Variants in PDE4D observed in about 807,000 individuals in gnomAD.
PDE4D encodes the protein phosphodiesterase 4D.
A neutral mutation model predicts 87.4 loss-of-function variants in PDE4D; 24 were observed. The observed-to-expected ratio is 0.27, with a 90% confidence interval of 0.20 to 0.39. The LOEUF is 0.39. Among genes scored for constraint, PDE4D ranks in the 10% least tolerant of loss-of-function variants. The pLI is 1.00. For synonymous variants in PDE4D, 384 were observed against 383.2 expected, an observed-to-expected ratio of 1.00 and a Z score of -0.02; for missense variants, 714 against 1,041.0, an observed-to-expected ratio of 0.69 and a Z score of 4.32.
rs372705720 is a variant in PDE4D at position 60,420,978 on chromosome 5, G to T, written c.-90+66964C>A. The stretch of plus-strand genomic sequence containing the variant: ...GACCTGCGAGGCAGCAGCCTGGTGG[G>T]GGGAGGGGTGTTCACCATTGCTGAG... On this transcript the variant is annotated intron_variant, in intron 1 of 16. Coordinates refer to the PDE4D transcript ENST00000502484. 5.9e-4 allele frequency among the ~76,000 whole-genome samples: 90 copies of T among 152,330 alleles called. 2 individuals carry two copies. In the South Asian group the frequency reaches 0.018, roughly 31 times the overall value.
In PDE4D at chr5:60,361,341, AG is replaced by A. The variant is rs533758381; in HGVS notation, c.-90+126600del. On this transcript the variant is annotated intron_variant, in intron 1 of 16. Coordinates refer to the PDE4D transcript ENST00000502484. ...ATAATTGATTAGTAAATCAATAATT[AG>A]TTACTTGATGTAGCTGTGAAAATTA... 1.4e-4 allele frequency among the ~76,000 whole-genome samples: 21 copies of A among 152,344 alleles called. No homozygotes were observed. The South Asian group carries it at 4.1e-3, about 30-fold the overall frequency.
intron 1 of PDE4D, among the ~76,000 whole-genome samples, chr5:59,403,537 TTAAA>T (rs993981182): frequency 2.6e-5 from 4 of 152,144 alleles, no homozygotes; most frequent in African/African-American, 4.8e-5. Context: ...TCCAGCTCCC[TTAAA>T]TAGTGAGAAT....
At chr5:59,159,810 G>A (rs535529914) in intron 5 of PDE4D, among the ~76,000 whole-genome samples, 3 of 152,158 alleles carry the variant, frequency 2.0e-5, no homozygotes, top group African/African-American at 7.2e-5. Flanking sequence ...GTTTGCCAAG[G>A]AAAAAGCAGC....
chr5:60,257,499 GTGTC>G (rs1448753376), intron 1 of PDE4D, among the ~76,000 whole-genome samples: 1 of 151,944 alleles, frequency 6.6e-6, no homozygotes, highest in Non-Finnish European at 1.5e-5. Flanking sequence ...AGTTTGTAAA[GTGTC>G]TGTCCTGTTT....
At chr5:59,613,689 T>C (rs1579848487) in intron 1 of PDE4D, among the ~76,000 whole-genome samples, 2 of 152,280 alleles carry the variant, frequency 1.3e-5, no homozygotes, top group African/African-American at 4.8e-5. Context: ...TCAGCATCAG[T>C]GTAGAGACAC....
chr5:59,364,425 A>G lies in PDE4D; in HGVS notation c.456-148457T>C, dbSNP rs1040371618. Among the ~76,000 whole-genome samples the G allele has an allele frequency of 2.0e-5, 3 of 152,206 alleles. No individual in the cohort carries two copies. The South Asian group carries it at 6.2e-4, about 31-fold the overall frequency. ...TACTACCTTAAAAATGTAGAAGTAAATTTGAGAACACACAATTGTTATTTC... is the reference window on the plus strand; with the variant it reads ...TACTACCTTAAAAATGTAGAAGTAAGTTTGAGAACACACAATTGTTATTTC... On this transcript the variant is annotated intron_variant, in intron 1 of 14. Transcript: ENST00000340635.
At chr5:59,039,504 G>A (rs1486677004) in intron 5 of PDE4D, 6 of 985,594 alleles carry the variant, frequency 6.1e-6, no homozygotes, top group African/African-American at 1.7e-5. Flanking sequence ...CCGGGTGCGC[G>A]GCCACCACGT....
chr5:60,084,367 A>C (rs914188766), intron 2 of PDE4D, among the ~76,000 whole-genome samples: 2 of 151,968 alleles, frequency 1.3e-5, no homozygotes, highest in Non-Finnish European at 2.9e-5. Context: ...ACATTTTATG[A>C]CAGTGATTCT....
chr5:59,124,449 G>C (rs1380063348), intron 5 of PDE4D, among the ~76,000 whole-genome samples: 1 of 152,222 alleles, frequency 6.6e-6, no homozygotes, highest in Non-Finnish European at 1.5e-5. Flanking sequence ...ACTCTAAGCT[G>C]CTTTCACTTC....
intron 1 of PDE4D, among the ~76,000 whole-genome samples, chr5:60,496,740 G>A (rs1380334114): frequency 6.6e-6 from 1 of 152,266 alleles, no homozygotes; most frequent in Non-Finnish European, 1.5e-5. Context: ...TTTCCCTAAG[G>A]ACATAGAGTT....
At chr5:59,792,660 C>A (rs1765946501) in intron 1 of PDE4D, among the ~76,000 whole-genome samples, 1 of 152,104 alleles carries the variant, frequency 6.6e-6, no homozygotes, top group Admixed American at 6.5e-5. Context: ...ACATTTTCCA[C>A]TACAAAATAA....
chr5:60,496,940 C>A (rs1340712046), intron 1 of PDE4D, among the ~76,000 whole-genome samples: 1 of 152,106 alleles, frequency 6.6e-6, no homozygotes, highest in Non-Finnish European at 1.5e-5. Context: ...AAGCTTTACA[C>A]CATCATTTTA....
chr5:59,258,188 TG>T (rs771742774), intron 1 of PDE4D, among the ~76,000 whole-genome samples: 13 of 152,008 alleles, frequency 8.6e-5, no homozygotes, highest in Admixed American at 2.6e-4. Context: ...TTTGTTTGAC[TG>T]GTTCTTTCAG....
At chr5:60,105,092 G>C (rs944552918) in intron 2 of PDE4D, among the ~76,000 whole-genome samples, 10 of 152,142 alleles carry the variant, frequency 6.6e-5, no homozygotes, top group African/African-American at 2.4e-4. Flanking sequence ...CAAACCAAAG[G>C]CAAAGAAGTT....
Position 59,180,585 on chromosome 5 carries a change from T to A in PDE4D, c.808+10A>T. On this transcript the variant is annotated intron_variant, in intron 5 of 14. Coordinates refer to ENST00000340635, the MANE Select transcript of PDE4D (RefSeq NM_001104631.2). ...AGACACATGAAGAATAAGCTCCAGA[T>A]CTTTCTTACCTGTTATGGTGGCTTT... The A allele has an allele frequency of 6.2e-7, 1 of 1,611,884 alleles. No individual in the cohort carries two copies.
At chr5:59,692,034 A>G (rs1751036532) in intron 1 of PDE4D, among the ~76,000 whole-genome samples, 1 of 152,134 alleles carries the variant, frequency 6.6e-6, no homozygotes, top group East Asian at 1.9e-4. Flanking sequence ...GTTAAAATAT[A>G]TGATAGGAAG....
chr5:59,790,906 T>C (rs1160380006), intron 1 of PDE4D, among the ~76,000 whole-genome samples: 2 of 152,252 alleles, frequency 1.3e-5, no homozygotes, highest in Admixed American at 6.5e-5. Context: ...TTTGCTTTCA[T>C]TGTGCTCAGC....
chr5:59,487,947 G>C (rs1337867471), intron 1 of PDE4D, among the ~76,000 whole-genome samples: 2 of 152,096 alleles, frequency 1.3e-5, no homozygotes, highest in African/African-American at 4.8e-5. Flanking sequence ...GTCTGCCATA[G>C]TATTTCTTCC....
At chr5:60,386,751 G>C (rs1320995646) in intron 1 of PDE4D, among the ~76,000 whole-genome samples, 1 of 152,200 alleles carries the variant, frequency 6.6e-6, no homozygotes, top group Non-Finnish European at 1.5e-5. Flanking sequence ...GATGAAAAAG[G>C]AGAAAGAAGT....
Sources: allele counts gnomAD v4.1 joint callset (sites outside exome capture counted in the v4.1 genomes callset), GRCh38; gene constraint gnomAD v4.1.1; transcripts MANE v1.5; gene names NCBI Gene and HGNC (gene_info 2026-07-23, HGNC 2026-07-21).